Variants in RECQL5 observed in about 807,000 individuals in gnomAD.
RECQL5 encodes RecQ like helicase 5.
RECQL5 carries 88 observed loss-of-function variants against 103.4 expected under a neutral mutation model. That is an observed-to-expected ratio of 0.85 (90% CI 0.72 to 1.02). RECQL5 has a LOEUF of 1.02. RECQL5 is among the 50% of genes least tolerant of loss of function. The pLI, the probability that RECQL5 is intolerant of heterozygous loss-of-function variation, is 0.00. For missense variants in RECQL5, 1,232 were observed against 1,284.3 expected (o/e 0.96, Z 0.62); for synonymous variants, 552 against 507.9 (o/e 1.09, Z -1.17).
intron 6 of RECQL5, among the ~76,000 whole-genome samples, chr17:75,659,710 A>C (rs955886484): frequency 6.6e-6 from 1 of 152,162 alleles, no homozygotes; most frequent in Non-Finnish European, 1.5e-5. Context: ...AATGTAACGC[A>C]CTATAAAATT....
chr17:75,627,594 C>T, intron 19 of RECQL5, 29 bp downstream of exon 19: 1 of 1,613,676 alleles, frequency 6.2e-7, no homozygotes, highest in Non-Finnish European at 8.5e-7. Context: ...TCCCAAGTGC[C>T]TCCTGGCCCT....
Position 75,651,186 on chromosome 17 carries a change from C to G in RECQL5, c.1229G>C (p.Gly410Ala). The G allele has an allele frequency of 6.2e-7, 1 of 1,614,122 alleles. No homozygotes were observed. The highest frequency in any genetic ancestry group is 8.5e-7 in the Non-Finnish European group (1 of 1,180,026). Residue 410 changes from glycine to alanine, a missense_variant and splice_region_variant, in exon 8 of 20, where the codon GGG (glycine) becomes GCG (alanine). Transcript: ENST00000317905. ...DALVTFCEEL[G>A]CRHAAIAKYF... ...TCCACATATAAAATAAGTCACTTAC[C>G]CCAGTTCTTCACAGAAGGTCACCAG...
At chr17:75,655,865 T>TA (rs1318432098) in intron 7 of RECQL5, among the ~76,000 whole-genome samples, 3 of 151,450 alleles carry the variant, frequency 2.0e-5, no homozygotes, top group Admixed American at 6.6e-5. Context: ...TTTTTTTTGT[T>TA]AGAGACGGGC....
intron 7 of RECQL5, among the ~76,000 whole-genome samples, chr17:75,653,042 G>C (rs977133090): frequency 1.3e-5 from 2 of 152,224 alleles, no homozygotes; most frequent in East Asian, 3.8e-4. Flanking sequence ...GCACACAGCA[G>C]GCAGAGCCCC....
At position 75,629,323 on chromosome 17, in the gene RECQL5, G is replaced by T; in HGVS notation, c.2100C>A (p.Leu700=). 1 of 1,540,936 alleles carries T rather than the reference G, an allele frequency of 6.5e-7. No homozygotes were observed. The highest frequency in any genetic ancestry group is 8.7e-7 in the Non-Finnish European group (1 of 1,143,256). The change falls in exon 16 of 20, where the codon CTC becomes CTA. Residue 700 remains leucine (L), a synonymous_variant. Coordinates refer to ENST00000317905, the MANE Select transcript of RECQL5 (RefSeq NM_004259.7). ...GGGGCTCACTCCCATCCTCATCCAG[G>T]AGGCCACAGGGCCGGCTCGGGGGCT... ...EHEPPSRPCG[L]LDEDGSEPLP...
chr17:75,647,149 G>A (rs1013018408), intron 8 of RECQL5, among the ~76,000 whole-genome samples: 1 of 152,212 alleles, frequency 6.6e-6, no homozygotes, highest in Non-Finnish European at 1.5e-5. Flanking sequence ...CACTTCTTGC[G>A]CCAGTCCTGG....
rs201834853 is a variant in RECQL5, at chr17:75,631,162, C to T, written c.1536G>A (p.Met512Ile). ...TGCCTCCCCTCACCTTGCGCAGCTG[C>T]ATCTGCTTCTGATAGAAGAGGTTCC... ...REWNLFYQKQ[M>I]QLRKGKDPKI... The change falls in exon 10 of 20, where the codon ATG (methionine) becomes ATA (isoleucine). Residue 512 changes from methionine to isoleucine, a missense_variant. Coordinates refer to ENST00000317905, the MANE Select transcript of RECQL5 (RefSeq NM_004259.7). 1.4e-3 allele frequency: 2,198 copies of T among 1,613,864 alleles called. 1 individual carries two copies. Among genetic ancestry groups the T allele is most frequent in the Non-Finnish European group, 1.7e-3 (2,061 of 1,179,986 alleles).
At chr17:75,631,361 G>T in intron 9 of RECQL5, 89 bp downstream of exon 9, 1 of 1,527,918 alleles carries the variant, frequency 6.5e-7, no homozygotes, top group Non-Finnish European at 9.1e-7. Context: ...GGGGGATTGC[G>T]GCATCGTGCC....
chr17:75,633,417 T>C, intron 8 of RECQL5: 1 of 1,285,678 alleles, frequency 7.8e-7, no homozygotes, highest in Non-Finnish European at 1.0e-6. Flanking sequence ...CCCTGACAGC[T>C]GGGCCAGGAG....
At chr17:75,647,642 C>T (rs962946793) in intron 8 of RECQL5, 14 of 1,429,776 alleles carry the variant, frequency 9.8e-6, no homozygotes, top group East Asian at 2.5e-5. Context: ...GGCCCCTTCG[C>T]GGTTCCCTCT....
chr17:75,666,768 C>A, intron 1 of RECQL5, 197 bp from the exon 2 acceptor site: 1 of 572,064 alleles, frequency 1.7e-6, no homozygotes, highest in Non-Finnish European at 3.1e-6. Context: ...CTTTTACGCT[C>A]AATGAAAATG....
chr17:75,661,724 C>G lies in RECQL5; in HGVS notation c.772-16G>C. 6.3e-7 allele frequency: 1 copy of G among 1,594,650 alleles called. No individual in the cohort carries two copies. The highest frequency in any genetic ancestry group is 8.6e-7 in the Non-Finnish European group (1 of 1,162,628). On this transcript the variant is annotated splice_polypyrimidine_tract_variant and intron_variant, in intron 4 of 19. Coordinates refer to ENST00000317905, the MANE Select transcript of RECQL5 (RefSeq NM_004259.7). ...AGCCAGATAACTGAATGGGGAGATG[C>G]AGGAAGAAAATAAGCATAGCAAGAA...
chr17:75,643,348 CCACAGACAGCCCTGGG>C (rs2059454763), intron 8 of RECQL5, among the ~76,000 whole-genome samples: 1 of 152,248 alleles, frequency 6.6e-6, no homozygotes, highest in Non-Finnish European at 1.5e-5. Context: ...GAGGTGGGAA[CCACAGACAGCCCTGGG>C]CACAGACAGG....
At position 75,631,474 on chromosome 17, in the gene RECQL5, C is replaced by T. The variant is rs778197565; in HGVS notation, c.1424G>A (p.Arg475His). Residue 475 changes from arginine to histidine, a missense_variant, in exon 9 of 20, where the codon CGC becomes CAC. By Grantham distance (29) the Arg-to-His change is conservative. Coordinates refer to ENST00000317905, the MANE Select transcript of RECQL5 (RefSeq NM_004259.7). Reference sequence around the variant, plus strand: ...CCTGCTGAAGTCCCCGTAGCCCTTGCGGCCTCCCTCATACAGCTCGGGGTC... The same window carrying T: ...CCTGCTGAAGTCCCCGTAGCCCTTGTGGCCTCCCTCATACAGCTCGGGGTC... Reference protein sequence around the residue: ...GFDPELYEGGRKGYGDFSRYD... With the variant: ...GFDPELYEGGHKGYGDFSRYD... The T allele has an allele frequency of 2.3e-5, 37 of 1,611,806 alleles. No individual in the cohort carries two copies. Among genetic ancestry groups the T allele is most frequent in the Admixed American group, 1.0e-4 (6 of 59,998 alleles).
chr17:75,655,129 G>T (rs2059600132), intron 7 of RECQL5, among the ~76,000 whole-genome samples: 1 of 151,960 alleles, frequency 6.6e-6, no homozygotes, highest in South Asian at 2.1e-4. Context: ...ATTTTTCTGG[G>T]AACTTTCTTT....
At chr17:75,666,817 G>A (rs762548944) in intron 1 of RECQL5, 68 of 420,282 alleles carry the variant, frequency 1.6e-4, no homozygotes, top group Non-Finnish European at 2.4e-4. Flanking sequence ...ATAGCACAGA[G>A]CTAGAAATCA....
intron 14 of RECQL5, 65 bp from the exon 15 acceptor site, chr17:75,629,907 C>T (rs2059174907): frequency 2.0e-6 from 3 of 1,534,292 alleles, no homozygotes; most frequent in Admixed American, 4.0e-5. Flanking sequence ...CCCACCTAGC[C>T]CTCCTTTTCT....
At chr17:75,666,621 C>T in intron 1 of RECQL5, 50 bp from the exon 2 acceptor site, 2 of 1,554,104 alleles carry the variant, frequency 1.3e-6, no homozygotes, top group Non-Finnish European at 1.8e-6. Context: ...CGAGAACCCT[C>T]TGTTTTGCAT....
intron 8 of RECQL5, among the ~76,000 whole-genome samples, chr17:75,632,130 A>G (rs1425503966): frequency 6.6e-6 from 1 of 152,248 alleles, no homozygotes; most frequent in Non-Finnish European, 1.5e-5. Context: ...AGTGCATTAC[A>G]GTACAGTCAT....
Sources: allele counts gnomAD v4.1 joint callset (sites outside exome capture counted in the v4.1 genomes callset), GRCh38; gene constraint gnomAD v4.1.1; transcripts MANE v1.5; gene names NCBI Gene and HGNC (gene_info 2026-07-23, HGNC 2026-07-21).